The following AMMECR1 variants were observed in gnomAD, a reference collection of about 807,000 sequenced individuals.
AMMECR1 encodes AMMECR nuclear protein 1.
A neutral mutation model predicts 22.5 loss-of-function variants in AMMECR1; 3 were observed. The ratio of observed to expected loss-of-function variants is 0.13; its 90% confidence interval spans 0.06 to 0.35. AMMECR1 has a LOEUF of 0.35. Ranked by LOEUF, AMMECR1 falls within the 10% of genes least tolerant of loss-of-function variation. The pLI, the probability that AMMECR1 is intolerant of heterozygous loss-of-function variation, is 1.00. For missense variants in AMMECR1, 235 were observed against 278.7 expected, an observed-to-expected ratio of 0.84 and a Z score of 1.12; for synonymous variants, 130 against 116.7, an observed-to-expected ratio of 1.11 and a Z score of -0.74.
chrX:110,253,993 G>A (rs1375062749), intron 2 of AMMECR1, among the ~76,000 whole-genome samples: 3 of 111,154 alleles, frequency 2.7e-5, no homozygotes, highest in Admixed American at 9.6e-5. Context: ...TCACCTCACC[G>A]TTAATAAGGT....
chrX:110,208,241 TC>T lies in AMMECR1; in HGVS notation c.700-5706del, dbSNP rs2067431215. ...AGAAGCAGAATACCAGAAACATGAA[TC>T]AAAAAGGATAATTGATTACAAAGTC... is the stretch of plus-strand genomic sequence containing the variant. On this transcript the variant is annotated intron_variant, in intron 3 of 5. Coordinates refer to ENST00000262844, the MANE Select transcript of AMMECR1 (RefSeq NM_015365.3). Among the ~76,000 whole-genome samples, 2 of 112,143 alleles carry T rather than the reference TC, an allele frequency of 1.8e-5. 1 individual carries two copies. Among genetic ancestry groups the T allele is most frequent in the South Asian group, 7.3e-4 (2 of 2,722 alleles).
chrX:110,405,202 G>A (rs151103706), intron 2 of AMMECR1, among the ~76,000 whole-genome samples: 24 of 108,563 alleles, frequency 2.2e-4, no homozygotes, highest in African/African-American at 8.1e-4. Flanking sequence ...AAAAGGTCAC[G>A]TTGCAATTTT....
intron 2 of AMMECR1, among the ~76,000 whole-genome samples, chrX:110,327,281 GTC>G (rs2068101360): frequency 9.0e-6 from 1 of 111,715 alleles, no homozygotes; most frequent in African/African-American, 3.3e-5. Flanking sequence ...CCAGGATTGA[GTC>G]CTGAGGTTGC....
chrX:110,393,979 G>A (rs1445619541), intron 2 of AMMECR1, among the ~76,000 whole-genome samples: 3 of 112,459 alleles, frequency 2.7e-5, no homozygotes, highest in African/African-American at 6.5e-5. Context: ...ATAGGAAAGC[G>A]CTCAATGAGC....
chrX:110,261,319 A>G (rs779477938), intron 2 of AMMECR1, among the ~76,000 whole-genome samples: 34 of 111,934 alleles, frequency 3.0e-4, no homozygotes, highest in Non-Finnish European at 6.2e-4. Context: ...AAAGATGCCT[A>G]TACCTAGAAT....
At chrX:110,286,579 G>A (rs1233533260) in intron 1 of AMMECR1, among the ~76,000 whole-genome samples, 2 of 107,308 alleles carry the variant, frequency 1.9e-5, no homozygotes. Flanking sequence ...GGCTCAGGTG[G>A]GAGGATCACC....
intron 2 of AMMECR1, among the ~76,000 whole-genome samples, chrX:110,217,502 TAC>T (rs759487797): frequency 0.054 from 4,775 of 88,019 alleles, 117 homozygotes; most frequent in African/African-American, 0.099. Flanking sequence ...GAATAGAAAA[TAC>T]ACACACACAC....
chrX:110,276,318 T>A (rs1403322255), intron 1 of AMMECR1, among the ~76,000 whole-genome samples: 1 of 111,967 alleles, frequency 8.9e-6, no homozygotes, highest in African/African-American at 3.2e-5. Flanking sequence ...TGTTTTAAAG[T>A]CCTTGTCTGC....
At chrX:110,203,706 G>A (rs1326437083) in intron 3 of AMMECR1, among the ~76,000 whole-genome samples, 1 of 110,736 alleles carries the variant, frequency 9.0e-6, no homozygotes, top group East Asian at 2.8e-4. Context: ...CATGTGTATG[G>A]ATGTAAAGGT....
intron 2 of AMMECR1, among the ~76,000 whole-genome samples, chrX:110,368,015 T>C (rs1176431458): frequency 9.7e-6 from 1 of 103,531 alleles, no homozygotes; most frequent in Non-Finnish European, 1.9e-5. Flanking sequence ...TTATTATTAT[T>C]ATTTTGTAGA....
At chrX:110,311,122 A>C (rs1340765976) in intron 1 of AMMECR1, among the ~76,000 whole-genome samples, 1 of 111,956 alleles carries the variant, frequency 8.9e-6, no homozygotes. Context: ...AGCTGCTGGG[A>C]ATCCCCAAGT....
At chrX:110,432,808 A>C (rs1335879129) in intron 1 of AMMECR1, among the ~76,000 whole-genome samples, 1 of 112,628 alleles carries the variant, frequency 8.9e-6, no homozygotes, top group African/African-American at 3.2e-5. Flanking sequence ...GTGAAGTCCC[A>C]GCACTTGAAA....
chrX:110,305,361 CA>C (rs1306102246), intron 1 of AMMECR1: 1 of 112,154 alleles, frequency 8.9e-6, no homozygotes, highest in Non-Finnish European at 1.9e-5. Flanking sequence ...AGCCTGTAAG[CA>C]AAGGGATAAT....
rs772077605 is a variant in AMMECR1, at chrX:110,422,825, A to G, written c.-148+3833T>C. Among the ~76,000 whole-genome samples the G allele has an allele frequency of 1.7e-4, 19 of 112,338 alleles. No individual in the cohort carries two copies. The South Asian group carries it at 2.3e-3, about 13-fold the overall frequency. On this transcript the variant is annotated intron_variant, in intron 2 of 7. Transcript: ENST00000372057. ...CCCCAAACTCACCTGCTCCTTGAAA[A>G]TGCTATTCTGTTGCCTTGGCGAACA...
At chrX:110,416,276 C>A (rs1222416023) in intron 2 of AMMECR1, among the ~76,000 whole-genome samples, 4 of 112,024 alleles carry the variant, frequency 3.6e-5, no homozygotes, top group African/African-American at 1.3e-4. Context: ...AACCATTTGG[C>A]AACAGTGCCT....
At chrX:110,309,627 T>C (rs1404216240) in intron 1 of AMMECR1, 1 of 112,141 alleles carries the variant, frequency 8.9e-6, no homozygotes, top group African/African-American at 3.2e-5. Flanking sequence ...AGGTCTTTAC[T>C]CAAGCAGAAC....
At chrX:110,418,313 C>G (rs764133247) in intron 2 of AMMECR1, among the ~76,000 whole-genome samples, 33 of 112,367 alleles carry the variant, frequency 2.9e-4, no homozygotes, top group Non-Finnish European at 5.6e-4. Context: ...TACTATCTTG[C>G]AACCCATGAG....
At chrX:110,264,732 G>C in intron 1 of AMMECR1, 133 bp from the exon 2 acceptor site, 2 of 440,143 alleles carry the variant, frequency 4.5e-6, no homozygotes, top group East Asian at 3.9e-5. Context: ...GGGCTCACAG[G>C]CCAGCCCAAT....
chrX:110,206,460 C>T (rs772239866), intron 3 of AMMECR1, among the ~76,000 whole-genome samples: 2 of 112,143 alleles, frequency 1.8e-5, no homozygotes, highest in Non-Finnish European at 3.8e-5. Context: ...ATACCCTAGT[C>T]TGTCTAATAA....
Sources: gnomAD v4.1 joint callset for allele counts (sites outside exome capture counted in the v4.1 genomes callset) on GRCh38, gnomAD v4.1.1 for gene constraint, MANE v1.5 for transcripts, NCBI Gene and HGNC (gene_info 2026-07-23, HGNC 2026-07-21) for gene names.